The following SLC7A2 variants were observed in gnomAD, a reference collection of about 807,000 sequenced individuals.
The protein encoded by SLC7A2 is cationic amino acid transporter 2.
A neutral mutation model predicts 58.9 loss-of-function variants in SLC7A2; 48 were observed. That is an observed-to-expected ratio of 0.82 (90% CI 0.65 to 1.04). SLC7A2 has a LOEUF of 1.04. SLC7A2 is among the 50% of genes least tolerant of loss of function. The pLI is 0.00. For synonymous variants in SLC7A2, 363 were observed against 314.5 expected, an observed-to-expected ratio of 1.15 and a Z score of -1.63; for missense variants, 1,029 against 818.8, an observed-to-expected ratio of 1.26 and a Z score of -3.13.
intron 8 of SLC7A2, chr8:17,555,083 G>T: frequency 6.2e-7 from 1 of 1,613,468 alleles, no homozygotes; most frequent in South Asian, 1.1e-5. Flanking sequence ...GTCATTTCTG[G>T]TAAGCTTTAC....
At chr8:17,540,627 G>A (rs558550483) in intron 2 of SLC7A2, among the ~76,000 whole-genome samples, 1 of 152,106 alleles carries the variant, frequency 6.6e-6, no homozygotes, top group South Asian at 2.1e-4. Flanking sequence ...ATTCAATTTC[G>A]TATTGAAGAG....
chr8:17,532,246 A>AAAAAAAAAAC (rs1563454490), intron 2 of SLC7A2, among the ~76,000 whole-genome samples: 15 of 124,756 alleles, frequency 1.2e-4, no homozygotes, highest in African/African-American at 4.0e-4. Context: ...AAAAAAAAAA[A>AAAAAAAAAAC]AAAAAAAAAA....
chr8:17,514,757 T>C (rs1430629484), intron 2 of SLC7A2, among the ~76,000 whole-genome samples: 1 of 152,190 alleles, frequency 6.6e-6, no homozygotes, highest in Non-Finnish European at 1.5e-5. Flanking sequence ...ATTCTACTTG[T>C]TCAAGTTTAT....
intron 3 of SLC7A2, among the ~76,000 whole-genome samples, chr8:17,543,924 A>T (rs560511634): frequency 6.6e-6 from 1 of 152,234 alleles, no homozygotes; most frequent in Non-Finnish European, 1.5e-5. Context: ...CTTGAAGTGC[A>T]GTGGCGTGAT....
chr8:17,552,038 T>G (rs1802480570), intron 7 of SLC7A2, 52 bp downstream of exon 7: 3 of 1,462,880 alleles, frequency 2.1e-6, no homozygotes, highest in African/African-American at 2.8e-5. Context: ...TACAAAGTAG[T>G]CAGTGTCTAA....
At chr8:17,497,325 G>A (rs1268496476) in intron 1 of SLC7A2, 88 bp downstream of exon 1, 3 of 151,624 alleles carry the variant, frequency 2.0e-5, no homozygotes, top group Admixed American at 2.0e-4. Context: ...AGCGGGGCGA[G>A]GGCGCCCTGG....
chr8:17,554,411 A>C, intron 7 of SLC7A2, 149 bp from the exon 8 acceptor site: 1 of 610,770 alleles, frequency 1.6e-6, no homozygotes, highest in Non-Finnish European at 2.5e-6. Flanking sequence ...TAGTGCATTT[A>C]AAAAATAATG....
At chr8:17,560,856 C>A (rs981102248) in intron 10 of SLC7A2, among the ~76,000 whole-genome samples, 5 of 152,208 alleles carry the variant, frequency 3.3e-5, no homozygotes, top group Non-Finnish European at 7.3e-5. Context: ...AATAACCTGA[C>A]TGGAACCCGA....
intron 11 of SLC7A2, among the ~76,000 whole-genome samples, chr8:17,563,202 A>G (rs1020644296): frequency 4.6e-5 from 7 of 152,186 alleles, no homozygotes; most frequent in Non-Finnish European, 2.9e-5. Context: ...CTGCAAGTTA[A>G]ACTATCCTGT....
At position 17,543,123 on chromosome 8, in the gene SLC7A2, C is replaced by G. The variant is rs565895470; in HGVS notation, c.-22-195C>G. Among the ~76,000 whole-genome samples, 10 of 152,070 alleles carry G rather than the reference C, an allele frequency of 6.6e-5. No individual in the cohort carries two copies. In the East Asian group the frequency reaches 1.9e-3, roughly 29 times the overall value. On this transcript the variant is annotated intron_variant, in intron 2 of 12. Coordinates refer to ENST00000494857, the MANE Select transcript of SLC7A2 (RefSeq NM_001370338.1). ...ACAGGAAATTGAACTACAGGAAATT[C>G]GAGGCTCTGGTTATTAAACCTTCCT...
intron 2 of SLC7A2, 101 bp from the exon 3 acceptor site, chr8:17,543,203 CACACACACACACAA>C: frequency 4.3e-6 from 4 of 940,148 alleles, no homozygotes; most frequent in Non-Finnish European, 6.4e-6. Flanking sequence ...CACACACACA[CACACACACACACAA>C]ACACACACAC....
At chr8:17,547,433 T>G (rs1298971222) in intron 4 of SLC7A2, among the ~76,000 whole-genome samples, 1 of 152,068 alleles carries the variant, frequency 6.6e-6, no homozygotes, top group Non-Finnish European at 1.5e-5. Context: ...AAGATGAGAT[T>G]TGGGTGGGGA....
At chr8:17,519,021 G>C (rs1469912888) in intron 2 of SLC7A2, among the ~76,000 whole-genome samples, 1 of 152,048 alleles carries the variant, frequency 6.6e-6, no homozygotes, top group East Asian at 1.9e-4. Context: ...ATTCCATCAT[G>C]GGTGCCCCAC....
intron 2 of SLC7A2, among the ~76,000 whole-genome samples, chr8:17,514,531 G>C (rs965747659): frequency 6.6e-6 from 1 of 152,156 alleles, no homozygotes; most frequent in Admixed American, 6.5e-5. Flanking sequence ...GTTGACCCTG[G>C]AAGCTAATTC....
chr8:17,509,622 T>G (rs1800519767), intron 2 of SLC7A2, among the ~76,000 whole-genome samples: 1 of 152,096 alleles, frequency 6.6e-6, no homozygotes, highest in Admixed American at 6.5e-5. Flanking sequence ...TTATTATTAT[T>G]AAGTACAATA....
intron 6 of SLC7A2, among the ~76,000 whole-genome samples, chr8:17,551,077 C>G (rs1296434629): frequency 6.6e-6 from 1 of 152,170 alleles, no homozygotes; most frequent in Non-Finnish European, 1.5e-5. Context: ...AATGGCACAG[C>G]AGTCATTTAA....
intron 2 of SLC7A2, among the ~76,000 whole-genome samples, chr8:17,513,781 A>T (rs1050712035): frequency 6.6e-6 from 1 of 152,184 alleles, no homozygotes; most frequent in African/African-American, 2.4e-5. Flanking sequence ...AGCAAAATTG[A>T]CTTTTTGTCC....
At position 17,540,190 on chromosome 8, in the gene SLC7A2, A is replaced by G. The variant is rs918595537; in HGVS notation, c.-22-3128A>G. 4.6e-5 allele frequency among the ~76,000 whole-genome samples: 7 copies of G among 152,270 alleles called. No homozygotes were observed. The East Asian group carries it at 5.8e-4, about 13-fold the overall frequency. ...AAAAATGACTCATTAAATTGACCCA[A>G]TATGTTTTTTCCTTACTTTTCTCCC... On this transcript the variant is annotated intron_variant, in intron 2 of 12. Transcript: ENST00000494857.
At chr8:17,551,444 A>G (rs999019746) in intron 6 of SLC7A2, among the ~76,000 whole-genome samples, 1 of 152,068 alleles carries the variant, frequency 6.6e-6, no homozygotes, top group Non-Finnish European at 1.5e-5. Context: ...CTAAAATACA[A>G]AAATTAGCCA....
Sources: gnomAD v4.1 joint callset for allele counts (sites outside exome capture counted in the v4.1 genomes callset) on GRCh38, gnomAD v4.1.1 for gene constraint, MANE v1.5 for transcripts, NCBI Gene and HGNC (gene_info 2026-07-23, HGNC 2026-07-21) for gene names.